Variants in CFTR observed in about 807,000 individuals in gnomAD.
CFTR encodes cystic fibrosis transmembrane conductance regulator.
CFTR carries 181 observed loss-of-function variants against 171.6 expected under a neutral mutation model. The ratio of observed to expected loss-of-function variants is 1.05; its 90% CI spans 0.93 to 1.19. CFTR has a LOEUF of 1.19. Among genes scored for constraint, CFTR ranks in the 50% most tolerant of loss-of-function variants. The probability of loss-of-function intolerance (pLI) is 0.00; values close to 1 mark genes in which losing one functional copy is unlikely to be tolerated. For missense variants in CFTR, 1,968 were observed against 1,734.7 expected, an observed-to-expected ratio of 1.13 and a Z score of -2.39; for synonymous variants, 583 against 608.0, an observed-to-expected ratio of 0.96 and a Z score of 0.60.
intron 3 of CFTR, among the ~76,000 whole-genome samples, chr7:117,513,707 A>AT (rs558488524): frequency 2.0e-5 from 3 of 152,156 alleles, no homozygotes; most frequent in African/African-American, 4.8e-5. Flanking sequence ...TCTTCCTGTG[A>AT]TTGGCTATCT....
chr7:117,619,839 G>A (rs1268494807), intron 21 of CFTR, among the ~76,000 whole-genome samples: 1 of 152,060 alleles, frequency 6.6e-6, no homozygotes, highest in Admixed American at 6.6e-5. Flanking sequence ...GATGCAATCT[G>A]AGAAGAGTTT....
chr7:117,655,424 C>G (rs1202290336), intron 24 of CFTR, among the ~76,000 whole-genome samples: 1 of 152,186 alleles, frequency 6.6e-6, no homozygotes, highest in Admixed American at 6.5e-5. Flanking sequence ...ACATGTTCCT[C>G]ATTTCCATCT....
chr7:117,597,861 C>T (rs944818746), intron 15 of CFTR, among the ~76,000 whole-genome samples: 1 of 151,344 alleles, frequency 6.6e-6, no homozygotes, highest in Non-Finnish European at 1.5e-5. Context: ...GCATGGTAGG[C>T]CACAAGTTCA....
At chr7:117,601,805 T>C (rs10276533) in intron 15 of CFTR, among the ~76,000 whole-genome samples, 28,448 of 152,170 alleles carry the variant, frequency 0.19, 2,848 homozygotes, top group Non-Finnish European at 0.2. Context: ...GAATGCCAAA[T>C]TGAAATAGAA....
At chr7:117,542,753 G>A (rs1799078155) in intron 9 of CFTR, among the ~76,000 whole-genome samples, 1 of 152,042 alleles carries the variant, frequency 6.6e-6, no homozygotes, top group Non-Finnish European at 1.5e-5. Flanking sequence ...ACTGAACTTT[G>A]TGGGCCCTCT....
At chr7:117,602,951 C>A in intron 16 of CFTR, 88 bp downstream of exon 16, 10 of 1,202,544 alleles carry the variant, frequency 8.3e-6, no homozygotes, top group Non-Finnish European at 1.2e-5. Context: ...GTATTGTAAT[C>A]CACTTTGTTT....
At chr7:117,562,260 G>A (rs987097928) in intron 11 of CFTR, among the ~76,000 whole-genome samples, 2 of 152,144 alleles carry the variant, frequency 1.3e-5, no homozygotes, top group African/African-American at 4.8e-5. Flanking sequence ...ACCCCTGAGA[G>A]ACAGTTCTTA....
rs1800119 is a variant in CFTR, at chr7:117,611,780, T to C, written c.3339T>C (p.Ala1113=). The change falls in exon 20 of 27, where the codon GCT becomes GCC. Residue 1113 remains alanine, a synonymous_variant. Transcript: ENST00000003084. ...IEMIFVIFFI[A]VTFISILTTG... is the part of the protein sequence containing the mutation. ...TGATTTTTGTCATCTTCTTCATTGC[T>C]GTTACCTTCATTTCCATTTTAACAA... 1 of 1,612,800 alleles carries C rather than the reference T, an allele frequency of 6.2e-7. No homozygotes were observed. The highest frequency in any genetic ancestry group is 8.5e-7 in the Non-Finnish European group (1 of 1,179,172).
intron 6 of CFTR, among the ~76,000 whole-genome samples, chr7:117,536,122 T>C (rs934338106): frequency 1.3e-5 from 2 of 152,220 alleles, no homozygotes; most frequent in African/African-American, 4.8e-5. Context: ...CTTACACAAG[T>C]CACTGCTTAG....
chr7:117,547,284 G>A (rs1221632155), intron 9 of CFTR, among the ~76,000 whole-genome samples: 1 of 152,024 alleles, frequency 6.6e-6, no homozygotes, highest in Non-Finnish European at 1.5e-5. Context: ...TTAAGTGGTG[G>A]CAAATGATGT....
chr7:117,570,927 G>A (rs1476290674), intron 11 of CFTR, among the ~76,000 whole-genome samples: 2 of 152,146 alleles, frequency 1.3e-5, no homozygotes, highest in Admixed American at 1.3e-4. Context: ...ATGCTTTCAA[G>A]CTACCATAAT....
intron 11 of CFTR, among the ~76,000 whole-genome samples, chr7:117,583,976 A>T (rs1389116996): frequency 1.3e-5 from 2 of 151,868 alleles, no homozygotes; most frequent in African/African-American, 4.8e-5. Context: ...ATATCTTGAG[A>T]ATTATCTATT....
At chr7:117,645,215 T>C (rs1470520696) in intron 23 of CFTR, among the ~76,000 whole-genome samples, 2 of 152,202 alleles carry the variant, frequency 1.3e-5, no homozygotes, top group South Asian at 2.1e-4. Context: ...CATTTTATAA[T>C]AATTAACAAC....
chr7:117,636,117 AG>A (rs1165616145), intron 22 of CFTR, among the ~76,000 whole-genome samples: 2 of 152,172 alleles, frequency 1.3e-5, no homozygotes, highest in Non-Finnish European at 2.9e-5. Context: ...TGACTTTTGA[AG>A]AATAATTCCA....
intron 2 of CFTR, among the ~76,000 whole-genome samples, chr7:117,508,196 T>G (rs1268138095): frequency 6.6e-6 from 1 of 152,242 alleles, no homozygotes; most frequent in Non-Finnish European, 1.5e-5. Flanking sequence ...TCCTTGTGGT[T>G]CATGAAATTT....
chr7:117,652,064 C>T (rs772964228), intron 23 of CFTR, among the ~76,000 whole-genome samples: 9 of 152,058 alleles, frequency 5.9e-5, no homozygotes, highest in African/African-American at 1.7e-4. Context: ...GCTATTGCAC[C>T]GGCATTCCCC....
At chr7:117,662,310 A>G (rs139142535) in intron 24 of CFTR, among the ~76,000 whole-genome samples, 16 of 152,310 alleles carry the variant, frequency 1.1e-4, no homozygotes, top group African/African-American at 3.4e-4. Context: ...GTTACCCAGG[A>G]CTGGCATTAG....
At chr7:117,486,811 A>G (rs1370386991) in intron 1 of CFTR, among the ~76,000 whole-genome samples, 1 of 141,480 alleles carries the variant, frequency 7.1e-6, no homozygotes, top group African/African-American at 2.6e-5. Flanking sequence ...TAATCAGTTC[A>G]TATACTGTTG....
intron 12 of CFTR, among the ~76,000 whole-genome samples, chr7:117,588,931 T>C (rs1439926873): frequency 6.6e-6 from 1 of 152,096 alleles, no homozygotes; most frequent in Non-Finnish European, 1.5e-5. Context: ...TCTAAATAAA[T>C]GGAAGTTGAT....
Sources: allele counts gnomAD v4.1 joint callset (sites outside exome capture counted in the v4.1 genomes callset), GRCh38; gene constraint gnomAD v4.1.1; transcripts MANE v1.5; gene names NCBI Gene and HGNC (gene_info 2026-07-23, HGNC 2026-07-21).